Variants in MTSS1 observed in about 807,000 individuals in gnomAD.
MTSS1 encodes the protein protein MTSS 1.
MTSS1 carries 18 observed loss-of-function variants against 79.0 expected under a neutral mutation model. The ratio of observed to expected loss-of-function variants is 0.23; its 90% CI spans 0.16 to 0.34. The LOEUF (loss-of-function observed/expected upper bound fraction) is 0.34. Ranked by LOEUF, MTSS1 falls within the 10% of genes least tolerant of loss-of-function variation. MTSS1 has a pLI of 1.00. For missense variants in MTSS1, 815 were observed against 986.2 expected (o/e 0.83, Z 2.33); for synonymous variants, 341 against 368.6 (o/e 0.93, Z 0.86).
chr8:124,680,085 G>A (rs1825891700), intron 3 of MTSS1, among the ~76,000 whole-genome samples: 1 of 151,866 alleles, frequency 6.6e-6, no homozygotes, highest in Non-Finnish European at 1.5e-5. Context: ...TTAAACCCTT[G>A]GAAACACACA....
chr8:124,567,725 T>C, intron 7 of MTSS1: 1 of 1,514,698 alleles, frequency 6.6e-7, no homozygotes, highest in Non-Finnish European at 8.8e-7. Flanking sequence ...AAGTGCCAAG[T>C]TGGGACCACG....
intron 3 of MTSS1, among the ~76,000 whole-genome samples, chr8:124,609,032 GACT>G (rs1835317000): frequency 6.6e-6 from 1 of 152,208 alleles, no homozygotes; most frequent in Non-Finnish European, 1.5e-5. Flanking sequence ...CTTGCTGCTA[GACT>G]ACCAACCACA....
At chr8:124,566,357 A>G (rs569202583) in intron 8 of MTSS1, 14 of 152,694 alleles carry the variant, frequency 9.2e-5, no homozygotes, top group Admixed American at 2.0e-4. Context: ...TGTCAAGTGA[A>G]TGCATGCATG....
chr8:124,585,209 A>G, intron 5 of MTSS1, 48 bp from the exon 6 acceptor site: 1 of 1,400,010 alleles, frequency 7.1e-7, no homozygotes, highest in Non-Finnish European at 1.0e-6. Context: ...TGCTTAACAG[A>G]AAATATGTTA....
At chr8:124,564,418 G>A (rs868294430) in intron 9 of MTSS1, among the ~76,000 whole-genome samples, 9 of 152,118 alleles carry the variant, frequency 5.9e-5, no homozygotes, top group Admixed American at 4.6e-4. Flanking sequence ...TGTTCAGACA[G>A]ACATAGGGGA....
At position 124,728,109 on chromosome 8, in the gene MTSS1, G is replaced by A. The variant is rs1032081652; in HGVS notation, c.-154C>T. On this transcript the variant is annotated 5_prime_UTR_variant, in exon 1 of 14. Transcript: ENST00000518547. The surrounding 1 kb of genome is among the most constrained non-coding windows in gnomAD (Gnocchi z 6.1). The stretch of plus-strand genomic sequence containing the variant: ...CAGCGAGGACGGGGTGCACCAGACC[G>A]ACTGTTCTCTGCCCAAAATAATAAC... 3.4e-6 allele frequency: 2 copies of A among 585,512 alleles called. No individual in the cohort carries two copies. The highest frequency in any genetic ancestry group is 3.0e-6 in the Non-Finnish European group (1 of 337,182). 36.3% of individuals were successfully genotyped at this position (585,512 alleles called of 1,614,324 possible).
chr8:124,652,842 T>C (rs1587599880), intron 3 of MTSS1, among the ~76,000 whole-genome samples: 1 of 148,600 alleles, frequency 6.7e-6, no homozygotes, highest in African/African-American at 2.5e-5. Flanking sequence ...CTCTAAAGAG[T>C]GATCCCACTG....
At chr8:124,562,473 G>A (rs1049430621) in intron 10 of MTSS1, among the ~76,000 whole-genome samples, 2 of 151,942 alleles carry the variant, frequency 1.3e-5, no homozygotes, top group African/African-American at 4.8e-5. Flanking sequence ...ATTTAATTAT[G>A]CCAAGCTGGG....
intron 3 of MTSS1, among the ~76,000 whole-genome samples, chr8:124,638,543 G>A (rs912331893): frequency 2.0e-5 from 3 of 152,150 alleles, no homozygotes; most frequent in East Asian, 1.9e-4. Flanking sequence ...CGTGCCCTTC[G>A]GTACAGTGTC....
Position 124,674,169 on chromosome 8 carries a change from C to T in MTSS1, c.208+25357G>A, listed in dbSNP as rs191550651. 3.9e-5 allele frequency among the ~76,000 whole-genome samples: 6 copies of T among 152,128 alleles called. No homozygotes were observed. The East Asian group carries it at 7.7e-4, about 20-fold the overall frequency. On this transcript the variant is annotated intron_variant, in intron 3 of 13. Coordinates refer to ENST00000518547, the MANE Select transcript of MTSS1 (RefSeq NM_014751.6). ...TTTTTGAGATGGAGCCTCACTCGGT[C>T]GCCCAGGCTGGAGTGCAGTGCCACA...
chr8:124,640,630 G>A (rs1235144171), intron 3 of MTSS1, among the ~76,000 whole-genome samples: 2 of 152,078 alleles, frequency 1.3e-5, no homozygotes, highest in South Asian at 2.1e-4. Context: ...TGCAACCTCC[G>A]CCTTCTGGGT....
At chr8:124,634,483 T>A (rs1816638555) in intron 3 of MTSS1, among the ~76,000 whole-genome samples, 1 of 152,030 alleles carries the variant, frequency 6.6e-6, no homozygotes, top group Non-Finnish European at 1.5e-5. Context: ...AAAGTCCCAA[T>A]TTGCCCCATG....
intron 3 of MTSS1, among the ~76,000 whole-genome samples, chr8:124,611,525 C>A (rs76134879): frequency 0.059 from 9,041 of 152,080 alleles, 488 homozygotes; most frequent in African/African-American, 0.14. Context: ...TACTTCCATT[C>A]TGTCCATGCA....
In MTSS1 at chr8:124,551,732, A is replaced by C. The variant is rs1465268525; in HGVS notation, c.*1260T>G. The C allele has an allele frequency of 1.4e-5, 2 of 146,584 alleles. No individual in the cohort carries two copies. Among genetic ancestry groups the C allele is most frequent in the East Asian group, 4.2e-4 (2 of 4,742 alleles). 9.1% of individuals were successfully genotyped at this position (146,584 alleles called of 1,614,324 possible). ...ATTTAACTTCCACTTAGAAAAGACA[A>C]ATCTTTTCCAAAAAACATTTACCCA... On this transcript the variant is annotated 3_prime_UTR_variant, in exon 14 of 14. Coordinates refer to ENST00000518547, the MANE Select transcript of MTSS1 (RefSeq NM_014751.6).
At chr8:124,567,671 C>A in intron 7 of MTSS1, 1 of 1,421,854 alleles carries the variant, frequency 7.0e-7, no homozygotes. Context: ...ACAAGTAAGA[C>A]AGGAGCTGGG....
chr8:124,654,750 T>C, intron 3 of MTSS1, among the ~76,000 whole-genome samples: 1 of 152,156 alleles, frequency 6.6e-6, no homozygotes. Flanking sequence ...ACAAGCATAA[T>C]GTAATGTACC....
chr8:124,568,693 T>G (rs1415133254), intron 6 of MTSS1, 157 bp from the exon 7 acceptor site: 5 of 1,481,700 alleles, frequency 3.4e-6, no homozygotes, highest in Non-Finnish European at 4.5e-6. Context: ...AGGCAGCTGT[T>G]TTTCTAGGAC....
At chr8:124,702,322 T>C (rs1194869521) in intron 2 of MTSS1, among the ~76,000 whole-genome samples, 5 of 152,252 alleles carry the variant, frequency 3.3e-5, no homozygotes, top group African/African-American at 7.2e-5. Flanking sequence ...GGAGTAGATA[T>C]GGCTAAATAA....
At chr8:124,708,855 A>G (rs1175964849) in intron 1 of MTSS1, among the ~76,000 whole-genome samples, 1 of 152,042 alleles carries the variant, frequency 6.6e-6, no homozygotes, top group Admixed American at 6.5e-5. Flanking sequence ...TTTAGGCAAT[A>G]TATAATTTAA....
Sources: allele counts gnomAD v4.1 joint callset (sites outside exome capture counted in the v4.1 genomes callset), GRCh38; gene constraint gnomAD v4.1.1; non-coding constraint Gnocchi (gnomAD v3.1); transcripts MANE v1.5; gene names NCBI Gene and HGNC (gene_info 2026-07-23, HGNC 2026-07-21).